The following SAMMSON variants were observed in gnomAD, a reference collection of about 807,000 sequenced individuals.
The protein encoded by SAMMSON is survival associated mitochondrial melanoma specific oncogenic non-coding RNA.
intron 2 of SAMMSON, among the ~76,000 whole-genome samples, chr3:70,432,607 C>T (rs956805843): frequency 7.9e-5 from 12 of 151,886 alleles, no homozygotes; most frequent in Admixed American, 2.0e-4. Flanking sequence ...TTTCTAACAC[C>T]TTGTGTTAGT....
At chr3:70,377,926 C>A (rs989162087) in intron 9 of SAMMSON, among the ~76,000 whole-genome samples, 7 of 151,808 alleles carry the variant, frequency 4.6e-5, no homozygotes, top group Admixed American at 3.3e-4. Flanking sequence ...GCCCATCAGA[C>A]TGACAAACAT....
chr3:70,341,806 G>A (rs1702713205), intron 7 of SAMMSON, among the ~76,000 whole-genome samples: 1 of 151,646 alleles, frequency 6.6e-6, no homozygotes, highest in South Asian at 2.1e-4. Context: ...TCCTTGTTAA[G>A]ACACAGTGTC....
intron 4 of SAMMSON, among the ~76,000 whole-genome samples, chr3:70,086,721 A>G (rs2067286630): frequency 6.6e-6 from 1 of 152,182 alleles, no homozygotes; most frequent in Non-Finnish European, 1.5e-5. Flanking sequence ...AATTCTTTCA[A>G]ATGTCCTTGC....
chr3:70,030,680 C>T (rs1396431563), intron 3 of SAMMSON: 1 of 151,984 alleles, frequency 6.6e-6, no homozygotes, highest in Non-Finnish European at 1.5e-5. Context: ...ACACCAAAAC[C>T]CAATGCAAAA....
intron 4 of SAMMSON, among the ~76,000 whole-genome samples, chr3:70,189,720 TA>T (rs1701117378): frequency 6.6e-6 from 1 of 152,210 alleles, no homozygotes; most frequent in South Asian, 2.1e-4. Context: ...TTGACTTTAA[TA>T]CACCATGATA....
chr3:70,245,671 T>TTATATATATATATATA (rs34480688), intron 4 of SAMMSON, among the ~76,000 whole-genome samples: 2 of 57,222 alleles, frequency 3.5e-5, no homozygotes, highest in Non-Finnish European at 6.8e-5. Flanking sequence ...GCAAACTGCT[T>TTATATATATATATATA]TATATATATA....
At chr3:70,372,451 A>C (rs1314180031) in intron 9 of SAMMSON, among the ~76,000 whole-genome samples, 1 of 151,984 alleles carries the variant, frequency 6.6e-6, no homozygotes, top group Non-Finnish European at 1.5e-5. Context: ...AGCAGGGATT[A>C]CAGGCGCCTG....
chr3:70,125,575 A>T lies in SAMMSON; in HGVS notation n.507+54010A>T, dbSNP rs141341727. The stretch of plus-strand genomic sequence containing the variant: ...CATCAGCTTCAGTAACAGGTAGATC[A>T]TTATTTTTTTCTCACAATTTTGTTT... On this transcript the variant is annotated intron_variant and non_coding_transcript_variant, in intron 4 of 9. Coordinates refer to ENST00000642114, the Ensembl canonical transcript of SAMMSON. 3.6e-4 allele frequency: 254 copies of T among 698,070 alleles called. No individual in the cohort carries two copies. In the African/African-American group the frequency reaches 3.9e-3, roughly 11 times the overall value. The allele number at this position is 698,070 out of a possible 1,614,324, so 43.2% of individuals were successfully genotyped here.
chr3:70,421,312 A>C (rs1315226086), intron 2 of SAMMSON, among the ~76,000 whole-genome samples: 2 of 152,194 alleles, frequency 1.3e-5, no homozygotes, highest in East Asian at 3.9e-4. Flanking sequence ...TTAGATCTGG[A>C]AATACATTTC....
rs1701344390 is a variant in SAMMSON at position 70,211,377 on chromosome 3, CTTTCCTTCCT to C, written n.508-37727_508-37718del. ...TCCCTTCCCTTTGCCCTTCCCTTCC[CTTTCCTTCCT>C]TTCCCTTCCCTTCCTTTTGCCCTTC... On this transcript the variant is annotated intron_variant and non_coding_transcript_variant, in intron 4 of 9. Transcript: ENST00000642114. 1.0e-3 allele frequency among the ~76,000 whole-genome samples: 5 copies of C among 4,938 alleles called. 2 individuals are homozygous for C. Among genetic ancestry groups the C allele is most frequent in the Admixed American group, 6.3e-3 (2 of 320 alleles). 3.2% of individuals were successfully genotyped at this position (4,938 alleles called of 152,430 possible).
intron 4 of SAMMSON, among the ~76,000 whole-genome samples, chr3:70,237,979 C>CTTTGTTTTTTTTTTTTTTT (rs1701627930): frequency 2.0e-5 from 1 of 48,932 alleles, no homozygotes; most frequent in Non-Finnish European, 3.2e-5. Flanking sequence ...TGAGTGGTAT[C>CTTTGTTTTTTTTTTTTTTT]TTTTTTTTTT....
At chr3:70,409,830 A>T (rs1472594529) in intron 2 of SAMMSON, among the ~76,000 whole-genome samples, 1 of 152,150 alleles carries the variant, frequency 6.6e-6, no homozygotes, top group African/African-American at 2.4e-5. Context: ...TTTAAAAATA[A>T]TTTCAACTTT....
intron 3 of SAMMSON, among the ~76,000 whole-genome samples, chr3:70,017,235 C>T (rs1378513944): frequency 2.0e-5 from 3 of 152,106 alleles, no homozygotes; most frequent in African/African-American, 7.2e-5. Context: ...AATGTTATTC[C>T]ATTTGTTTGT....
At chr3:70,360,234 C>T (rs1156736618) in intron 9 of SAMMSON, among the ~76,000 whole-genome samples, 1 of 152,014 alleles carries the variant, frequency 6.6e-6, no homozygotes, top group East Asian at 1.9e-4. Context: ...ATTCTTATGC[C>T]TCATATGGAT....
At chr3:70,070,899 A>G (rs2067226837) in intron 3 of SAMMSON, among the ~76,000 whole-genome samples, 1 of 152,050 alleles carries the variant, frequency 6.6e-6, no homozygotes, top group African/African-American at 2.4e-5. Context: ...CCAAATTTTT[A>G]GTATGTTCCT....
At chr3:70,289,720 T>C (rs890392946) in intron 6 of SAMMSON, among the ~76,000 whole-genome samples, 3 of 152,224 alleles carry the variant, frequency 2.0e-5, no homozygotes, top group African/African-American at 7.2e-5. Context: ...ATTTGGTCTT[T>C]TCACATAGTC....
chr3:70,132,621 T>C (rs1030338551), intron 4 of SAMMSON, among the ~76,000 whole-genome samples: 1 of 152,018 alleles, frequency 6.6e-6, no homozygotes, highest in African/African-American at 2.4e-5. Context: ...GCAACCTTTA[T>C]GAGAAATAAA....
At chr3:70,434,164 A>G (rs932929747) in intron 2 of SAMMSON, among the ~76,000 whole-genome samples, 1 of 152,220 alleles carries the variant, frequency 6.6e-6, no homozygotes, top group Non-Finnish European at 1.5e-5. Context: ...TAGACACAAA[A>G]TAATTTGCTT....
At chr3:70,131,692 C>G (rs992398758) in intron 4 of SAMMSON, among the ~76,000 whole-genome samples, 1 of 152,122 alleles carries the variant, frequency 6.6e-6, no homozygotes, top group Non-Finnish European at 1.5e-5. Context: ...ACGATTCTCT[C>G]ACCTCGGCCT....
Sources: gnomAD v4.1 joint callset for allele counts (sites outside exome capture counted in the v4.1 genomes callset) on GRCh38, gnomAD v4.1.1 for gene constraint, MANE v1.5 for transcripts, NCBI Gene and HGNC (gene_info 2026-07-23, HGNC 2026-07-21) for gene names.